Variants in NKAIN2 observed in about 807,000 individuals in gnomAD.
NKAIN2 encodes sodium/potassium transporting ATPase interacting 2.
In NKAIN2, 14 loss-of-function variants were observed where a neutral mutation model predicts 32.6. That is an observed-to-expected ratio of 0.43 (90% CI 0.28 to 0.67). The LOEUF is 0.67. NKAIN2 is among the 30% of genes least tolerant of loss of function. The probability of loss-of-function intolerance (pLI) is 0.17; values close to 1 mark genes in which losing one functional copy is unlikely to be tolerated. For synonymous variants in NKAIN2, 80 were observed against 87.2 expected (o/e 0.92, Z 0.46); for missense variants, 198 against 258.3 (o/e 0.77, Z 1.60).
chr6:124,188,540 C>T (rs1393706653), intron 1 of NKAIN2, among the ~76,000 whole-genome samples: 3 of 152,108 alleles, frequency 2.0e-5, no homozygotes, highest in African/African-American at 7.2e-5. Context: ...GAATAACTGG[C>T]CTAGGCAAGT....
At chr6:123,962,244 A>T (rs1777880131) in intron 1 of NKAIN2, among the ~76,000 whole-genome samples, 1 of 152,180 alleles carries the variant, frequency 6.6e-6, no homozygotes, top group African/African-American at 2.4e-5. Context: ...ATTTTGAAAC[A>T]TACGTTGGTC....
At chr6:123,985,225 C>A (rs1464234468) in intron 1 of NKAIN2, among the ~76,000 whole-genome samples, 1 of 151,994 alleles carries the variant, frequency 6.6e-6, no homozygotes, top group Non-Finnish European at 1.5e-5. Context: ...ATGATGAAAC[C>A]CCGTTTCTAC....
In NKAIN2 at chr6:123,993,486, G is replaced by A. The variant is rs180936532; in HGVS notation, c.54+189232G>A. On this transcript the variant is annotated intron_variant, in intron 1 of 6. Transcript: ENST00000368417. ...TTTTCAGGTCTCAAGATACATATGG[G>A]CATAAGCCATAAAATCTATATTTAA... is the stretch of plus-strand genomic sequence containing the variant. Among the ~76,000 whole-genome samples, 75 of 152,156 alleles carry A rather than the reference G, an allele frequency of 4.9e-4. 1 individual carries two copies. The East Asian group carries it at 0.011, about 23-fold the overall frequency.
intron 4 of NKAIN2, among the ~76,000 whole-genome samples, chr6:124,704,663 C>T (rs1311845336): frequency 1.3e-5 from 2 of 149,992 alleles, no homozygotes; most frequent in Non-Finnish European, 3.0e-5. Flanking sequence ...GAGAGAGAGA[C>T]GTGCATATGA....
At chr6:124,606,079 G>A (rs1782486835) in intron 3 of NKAIN2, among the ~76,000 whole-genome samples, 1 of 151,838 alleles carries the variant, frequency 6.6e-6, no homozygotes, top group Non-Finnish European at 1.5e-5. Context: ...AGTTGAGGTT[G>A]GTGCCATTTT....
chr6:124,135,586 A>G (rs1360611495), intron 1 of NKAIN2, among the ~76,000 whole-genome samples: 1 of 151,538 alleles, frequency 6.6e-6, no homozygotes, highest in African/African-American at 2.4e-5. Context: ...AAAATACCAC[A>G]ATTCTAAATA....
intron 1 of NKAIN2, among the ~76,000 whole-genome samples, chr6:124,194,595 A>G (rs916592040): frequency 5.9e-5 from 9 of 151,980 alleles, no homozygotes; most frequent in Admixed American, 2.6e-4. Flanking sequence ...GGGTTAATCA[A>G]TATTTATTCA....
rs532316443 is a variant in NKAIN2, at chr6:123,851,486, G to GCCTACCAAA, written c.54+47232_54+47233insCCTACCAAA. 4.7e-3 allele frequency among the ~76,000 whole-genome samples: 710 copies of GCCTACCAAA among 152,090 alleles called. 4 individuals are homozygous for GCCTACCAAA. Among genetic ancestry groups the GCCTACCAAA allele is most frequent in the Admixed American group, 0.014 (220 of 15,270 alleles). On this transcript the variant is annotated intron_variant, in intron 1 of 6. Transcript: ENST00000368417. The stretch of plus-strand genomic sequence containing the variant: ...GGCTGGTCTTGAGCTCCTAACCTCA[G>GCCTACCAAA]GTGATTCTCCCACGTCAGCCTACCA...
At chr6:124,558,437 A>G (rs897063519) in intron 3 of NKAIN2, among the ~76,000 whole-genome samples, 2 of 152,106 alleles carry the variant, frequency 1.3e-5, no homozygotes, top group Non-Finnish European at 2.9e-5. Context: ...TTTCCTTTTG[A>G]AAAAGCTACC....
chr6:124,630,184 C>T (rs1393983213), intron 3 of NKAIN2, among the ~76,000 whole-genome samples: 1 of 152,122 alleles, frequency 6.6e-6, no homozygotes, highest in Non-Finnish European at 1.5e-5. Flanking sequence ...AGGCTCCATA[C>T]ACTTCAGGAT....
chr6:124,321,095 T>C (rs1414491460), intron 2 of NKAIN2, among the ~76,000 whole-genome samples: 1 of 152,156 alleles, frequency 6.6e-6, no homozygotes, highest in African/African-American at 2.4e-5. Context: ...GGGCATTTCA[T>C]GAAGTCAAAA....
At chr6:124,596,977 A>G (rs1383235582) in intron 3 of NKAIN2, among the ~76,000 whole-genome samples, 1 of 152,126 alleles carries the variant, frequency 6.6e-6, no homozygotes, top group East Asian at 1.9e-4. Context: ...CAACTTCAAG[A>G]TAGTCATGAA....
intron 3 of NKAIN2, among the ~76,000 whole-genome samples, chr6:124,437,089 C>A (rs983615268): frequency 6.6e-6 from 1 of 152,170 alleles, no homozygotes; most frequent in African/African-American, 2.4e-5. Context: ...GTGACTCTTA[C>A]CCTAACTACC....
At chr6:124,621,186 A>C (rs1308437469) in intron 3 of NKAIN2, among the ~76,000 whole-genome samples, 1 of 152,188 alleles carries the variant, frequency 6.6e-6, no homozygotes, top group East Asian at 1.9e-4. Context: ...ACATGTATCC[A>C]AGGTAGAAAA....
intron 1 of NKAIN2, among the ~76,000 whole-genome samples, chr6:124,153,732 C>A (rs190063126): frequency 2.1e-3 from 311 of 151,606 alleles, no homozygotes; most frequent in Non-Finnish European, 3.7e-3. Context: ...TCATTAAATT[C>A]ATTTAATTAT....
In NKAIN2 at chr6:123,983,895, C is replaced by G. The variant is rs190362719; in HGVS notation, c.54+179641C>G. Among the ~76,000 whole-genome samples, 359 of 152,108 alleles carry G rather than the reference C, an allele frequency of 2.4e-3. 4 individuals carry two copies. The highest frequency in any genetic ancestry group is 3.4e-3 in the Middle Eastern group (1 of 294). On this transcript the variant is annotated intron_variant, in intron 1 of 6. Transcript: ENST00000368417. ...ATAAAGGCAAGCTAATGTTTTATCA[C>G]AAACTCTCCATTATTTATTTATTTT...
chr6:124,469,615 C>T (rs140816285), intron 3 of NKAIN2, among the ~76,000 whole-genome samples: 4 of 152,126 alleles, frequency 2.6e-5, no homozygotes, highest in Admixed American at 1.3e-4. Context: ...CTTATGAATG[C>T]ATTTAAACTG....
intron 1 of NKAIN2, among the ~76,000 whole-genome samples, chr6:124,209,850 A>G (rs1791083585): frequency 6.6e-6 from 1 of 151,772 alleles, no homozygotes; most frequent in Non-Finnish European, 1.5e-5. Context: ...TGTGGTTATT[A>G]TTACCTTGTC....
chr6:123,952,448 T>G (rs952399182), intron 1 of NKAIN2, among the ~76,000 whole-genome samples: 1 of 152,172 alleles, frequency 6.6e-6, no homozygotes, highest in African/African-American at 2.4e-5. Flanking sequence ...TTTGGAAAGT[T>G]TACAACGATT....
Sources: allele counts gnomAD v4.1 joint callset (sites outside exome capture counted in the v4.1 genomes callset), GRCh38; gene constraint gnomAD v4.1.1; transcripts MANE v1.5; gene names NCBI Gene and HGNC (gene_info 2026-07-23, HGNC 2026-07-21).